EIF2AK4: variants seen among roughly 807,000 people sequenced by gnomAD.
EIF2AK4 encodes the protein eIF-2-alpha kinase GCN2.
EIF2AK4 carries 139 observed loss-of-function variants against 211.1 expected under a neutral mutation model. The observed-to-expected ratio is 0.66, with a 90% CI of 0.57 to 0.76. The LOEUF is 0.76. EIF2AK4 is among the 30% of genes least tolerant of loss of function. The pLI, the probability that EIF2AK4 is intolerant of heterozygous loss-of-function variation, is 0.00. For synonymous variants in EIF2AK4, 710 were observed against 751.3 expected, an observed-to-expected ratio of 0.94 and a Z score of 0.90; for missense variants, 1,664 against 2,043.8, an observed-to-expected ratio of 0.81 and a Z score of 3.58.
chr15:40,022,356 T>C, intron 31 of EIF2AK4, 163 bp from the exon 32 acceptor site: 1 of 593,456 alleles, frequency 1.7e-6, no homozygotes, highest in Non-Finnish European at 2.9e-6. Context: ...CTCCCTTGAA[T>C]TCTATGCGGC....
intron 9 of EIF2AK4, among the ~76,000 whole-genome samples, chr15:39,972,432 T>G (rs1392491360): frequency 1.3e-5 from 2 of 152,100 alleles, no homozygotes; most frequent in Non-Finnish European, 2.9e-5. Context: ...TCCCTAAATG[T>G]TTCCAACTTG....
chr15:39,967,496 C>G lies in EIF2AK4; in HGVS notation c.1170C>G (p.His390Gln). Residue 390 changes from histidine (H) to glutamine (Q), a missense_variant, in exon 9 of 39, where the codon CAC becomes CAG. Coordinates refer to ENST00000263791, the MANE Select transcript of EIF2AK4 (RefSeq NM_001013703.4). ...TTAGTGGGGTCTCTCTTGCTGCACA[C>G]CTGAGCCACTCAGGCCCCATCCCTG... ...EHISGVSLAA[H>Q]LSHSGPIPVH... The G allele has an allele frequency of 6.2e-7, 1 of 1,614,070 alleles. No homozygotes were observed.
At position 39,965,685 on chromosome 15, in the gene EIF2AK4, G is replaced by A. The variant is rs886037661; in HGVS notation, c.860-1G>A. 6.2e-7 allele frequency: 1 copy of A among 1,613,842 alleles called. No individual in the cohort carries two copies. Among genetic ancestry groups the A allele is most frequent in the South Asian group, 1.1e-5 (1 of 91,034 alleles). On this transcript the variant is annotated splice_acceptor_variant, in intron 7 of 38. Coordinates refer to ENST00000263791, the MANE Select transcript of EIF2AK4 (RefSeq NM_001013703.4). LOFTEE classifies it high-confidence loss of function. ...AATTACACTTTCTGTTTAATGTGCA[G>A]GCAGTGATGAACAACTTGGAAAATT... is the stretch of plus-strand genomic sequence containing the variant.
At chr15:39,996,014 C>T (rs1467555561) in intron 18 of EIF2AK4, among the ~76,000 whole-genome samples, 1 of 152,066 alleles carries the variant, frequency 6.6e-6, no homozygotes, top group Non-Finnish European at 1.5e-5. Context: ...CTCCCCTTGA[C>T]CCCCAGTCCC....
In EIF2AK4 at chr15:40,017,551, A is replaced by ATGTATATG. The variant is rs1555422344; in HGVS notation, c.4065+310_4065+311insGTATATGT. ...TATATATATATATATATATATATAT[A>ATGTATATG]TATGTATTTTGGAGACAGGGCCTTG... On this transcript the variant is annotated intron_variant, in intron 29 of 38. Coordinates refer to ENST00000263791, the MANE Select transcript of EIF2AK4 (RefSeq NM_001013703.4). Among the ~76,000 whole-genome samples, 271 of 86,934 alleles carry ATGTATATG rather than the reference A, an allele frequency of 3.1e-3. 30 individuals are homozygous for ATGTATATG. Among genetic ancestry groups the ATGTATATG allele is most frequent in the Admixed American group, 0.015 (113 of 7,456 alleles). 57.0% of individuals were successfully genotyped at this position (86,934 alleles called of 152,430 possible). A position where few individuals can be genotyped will look rare whatever the true frequency, so the allele number is the denominator to read the frequency against.
At position 39,939,616 on chromosome 15, in the gene EIF2AK4, G is replaced by A; in HGVS notation, c.256G>A (p.Val86Ile). The change falls in exon 2 of 39, where the codon GTA becomes ATA. Residue 86 changes from valine (V) to isoleucine (I), a missense_variant and splice_region_variant. This residue lies in a region of EIF2AK4 where 641 missense variants were observed against 729.6 expected (regional missense o/e 0.88). Transcript: ENST00000263791. Reference sequence around the variant, plus strand: ...TAAATGCCCACCTACCTATCCAGATGTGTGAGTACATTTATAAATAGCTTT... The same window carrying A: ...TAAATGCCCACCTACCTATCCAGATATGTGAGTACATTTATAAATAGCTTT... ...RVKCPPTYPD[V>I]VPEIELKNAK... is the part of the protein sequence containing the mutation. 6.3e-7 allele frequency: 1 copy of A among 1,599,600 alleles called. No homozygotes were observed. The highest frequency in any genetic ancestry group is 8.5e-7 in the Non-Finnish European group (1 of 1,171,734).
rs567508954 is a variant in EIF2AK4, at chr15:39,993,919, A to G, written c.2766+1071A>G. The stretch of plus-strand genomic sequence containing the variant: ...GGGAATTGAGAGATTTTCCCAATGG[A>G]AGGGATGTTGGATGAGAATTAGGAA... On this transcript the variant is annotated intron_variant, in intron 18 of 38. Transcript: ENST00000263791. Among the ~76,000 whole-genome samples, 12 of 152,240 alleles carry G rather than the reference A, an allele frequency of 7.9e-5. No homozygotes were observed. The South Asian group carries it at 2.5e-3, about 32-fold the overall frequency.
At chr15:40,027,611 C>A (rs1396006464) in intron 33 of EIF2AK4, among the ~76,000 whole-genome samples, 1 of 152,120 alleles carries the variant, frequency 6.6e-6, no homozygotes, top group Non-Finnish European at 1.5e-5. Flanking sequence ...CATTTTGTGG[C>A]CGGGCGTGGT....
At chr15:39,954,058 G>A in intron 5 of EIF2AK4, 74 bp downstream of exon 5, 2 of 1,228,180 alleles carry the variant, frequency 1.6e-6, no homozygotes, top group Non-Finnish European at 2.2e-6. Context: ...GATGACATCT[G>A]TGTTACTATC....
At chr15:39,949,727 A>G (rs916131362) in intron 4 of EIF2AK4, among the ~76,000 whole-genome samples, 3 of 152,208 alleles carry the variant, frequency 2.0e-5, no homozygotes, top group Non-Finnish European at 2.9e-5. Context: ...CTACGCAAAC[A>G]GATTAAAGAA....
chr15:39,966,242 G>A (rs1016386713), intron 8 of EIF2AK4, among the ~76,000 whole-genome samples: 5 of 152,144 alleles, frequency 3.3e-5, no homozygotes, highest in Admixed American at 2.6e-4. Context: ...GGCCAAGGTA[G>A]GAGGACTACT....
intron 13 of EIF2AK4, among the ~76,000 whole-genome samples, chr15:39,978,990 A>G (rs1217302753): frequency 6.6e-6 from 1 of 152,240 alleles, no homozygotes. Context: ...GTGCAGTTAC[A>G]TGAAACGTTT....
At chr15:39,960,925 A>T (rs1289612565) in intron 6 of EIF2AK4, among the ~76,000 whole-genome samples, 1 of 152,180 alleles carries the variant, frequency 6.6e-6, no homozygotes, top group Non-Finnish European at 1.5e-5. Flanking sequence ...AGTCAAAATC[A>T]TGCTGAGAAT....
Position 39,985,885 on chromosome 15 carries a change from C to G in EIF2AK4, c.2400C>G (p.Ile800Met). 3 of 1,613,678 alleles carry G rather than the reference C, an allele frequency of 1.9e-6. No homozygotes were observed. Among genetic ancestry groups the G allele is most frequent in the Non-Finnish European group, 1.7e-6 (2 of 1,179,800 alleles). Reference sequence around the variant, plus strand: ...CTGAGGCTGTGCACTACCTATACATCCAGGTGAGGTCGTGGTGTGTAGTTA... The same window carrying G: ...CTGAGGCTGTGCACTACCTATACATGCAGGTGAGGTCGTGGTGTGTAGTTA... ...VTTEAVHYLYIQMEYCEKSTL... is the reference protein window; with the variant it reads ...VTTEAVHYLYMQMEYCEKSTL... The change falls in exon 14 of 39, where the codon ATC becomes ATG. Residue 800 changes from isoleucine to methionine, a missense_variant. Transcript: ENST00000263791.
chr15:40,002,026 T>C (rs560828271), intron 21 of EIF2AK4, among the ~76,000 whole-genome samples: 93 of 152,344 alleles, frequency 6.1e-4, no homozygotes, highest in Non-Finnish European at 6.6e-4. Flanking sequence ...ATATTCTCTA[T>C]TATGTTTCTG....
intron 13 of EIF2AK4, among the ~76,000 whole-genome samples, chr15:39,980,952 C>T (rs1486374514): frequency 3.9e-5 from 6 of 152,174 alleles, no homozygotes; most frequent in Non-Finnish European, 7.3e-5. Context: ...CTTAAATAAG[C>T]AGTTCAATGT....
In EIF2AK4 at chr15:39,976,498, G is replaced by A. The variant is rs778560836; in HGVS notation, c.1903G>A (p.Gly635Ser). ...CAGCCGGCAGTTCCGCAGGATCAAG[G>A]GCGAAGTGACACTGCTGTCACGGCT... ...PASRQFRRIK[G>S]EVTLLSRLHH... The change falls in exon 12 of 39, where the codon GGC (glycine) becomes AGC (serine). Residue 635 changes from glycine (G) to serine (S), a missense_variant. Physicochemically the swap from Gly to Ser is moderately conservative, Grantham distance 56 (BLOSUM62 0). Coordinates refer to ENST00000263791, the MANE Select transcript of EIF2AK4 (RefSeq NM_001013703.4). 3 of 1,612,448 alleles carry A rather than the reference G, an allele frequency of 1.9e-6. No individual in the cohort carries two copies. The highest frequency in any genetic ancestry group is 2.2e-5 in the East Asian group (1 of 44,782).
At chr15:40,005,499 AAAC>A (rs767204820) in intron 23 of EIF2AK4, among the ~76,000 whole-genome samples, 1 of 151,906 alleles carries the variant, frequency 6.6e-6, no homozygotes, top group African/African-American at 2.4e-5. Context: ...CCTGTCTGAA[AAAC>A]AACAACAACA....
chr15:39,988,175 A>C lies in EIF2AK4; in HGVS notation c.2526+70A>C, dbSNP rs2034892643. The C allele has an allele frequency of 2.6e-6, 4 of 1,561,636 alleles. No homozygotes were observed. In the Admixed American group the frequency reaches 7.0e-5, roughly 27 times the overall value. ...AATTTATGACTGCATAAAAATATCA[A>C]ATGTAAGATTGGAGAAAAACTGAAA... On this transcript the variant is annotated intron_variant, in intron 15 of 38. Transcript: ENST00000263791.
Sources: gnomAD v4.1 joint callset for allele counts (sites outside exome capture counted in the v4.1 genomes callset) on GRCh38, gnomAD v4.1.1 for gene constraint, gnomAD v4.1.1 regional missense constraint, MANE v1.5 for transcripts, NCBI Gene and HGNC (gene_info 2026-07-23, HGNC 2026-07-21) for gene names.